The following EIF4EBP2 variants were observed in gnomAD, a reference collection of about 807,000 sequenced individuals.
EIF4EBP2 encodes eukaryotic translation initiation factor 4E-binding protein 2.
In EIF4EBP2, 5 loss-of-function variants were observed where a neutral mutation model predicts 10.3. The ratio of observed to expected loss-of-function variants is 0.48; its 90% confidence interval spans 0.25 to 1.02. EIF4EBP2 has a LOEUF of 1.02. Ranked by LOEUF, EIF4EBP2 falls within the 50% of genes least tolerant of loss-of-function variation. The pLI is 0.15. For missense variants in EIF4EBP2, 188 were observed against 162.2 expected (o/e 1.16, Z -0.86); for synonymous variants, 67 against 61.1 (o/e 1.10, Z -0.45).
rs1845214726 is a variant in EIF4EBP2, at chr10:70,427,402, C to T, written c.*5655C>T. 6.6e-6 allele frequency: 1 copy of T among 152,180 alleles called. No individual in the cohort carries two copies. Among genetic ancestry groups the T allele is most frequent in the Non-Finnish European group, 1.5e-5 (1 of 68,028 alleles). The allele number at this position is 152,180 out of a possible 1,614,324, so 9.4% of individuals were successfully genotyped here. ...TTAGAATGCTTCTACCCCAGGGCCG[C>T]TTCCTGTTCCTAGTCATGGTTTTCC... On this transcript the variant is annotated 3_prime_UTR_variant, in exon 3 of 3. Coordinates refer to ENST00000373218, the MANE Select transcript of EIF4EBP2 (RefSeq NM_004096.5).
rs1845161608 is a variant in EIF4EBP2, at chr10:70,421,937, T to G, written c.*190T>G. On this transcript the variant is annotated 3_prime_UTR_variant, in exon 3 of 3. Transcript: ENST00000373218. Reference sequence around the variant, plus strand: ...GCTTCATCTGACCATTTCTTCTCCCTGTCTCCTGTTCCCCTTCCCAGTTAA... The same window carrying G: ...GCTTCATCTGACCATTTCTTCTCCCGGTCTCCTGTTCCCCTTCCCAGTTAA... The G allele has an allele frequency of 1.7e-6, 1 of 587,106 alleles. No homozygotes were observed. Among genetic ancestry groups the G allele is most frequent in the Admixed American group, 2.9e-5 (1 of 34,922 alleles). 36.4% of individuals were successfully genotyped at this position (587,106 alleles called of 1,614,324 possible). A position where few individuals can be genotyped will look rare whatever the true frequency, so the allele number is the denominator to read the frequency against.
rs573283902 is a variant in EIF4EBP2, at chr10:70,417,465, A to G, written c.146-2449A>G. 1.5e-4 allele frequency among the ~76,000 whole-genome samples: 23 copies of G among 152,328 alleles called. No individual in the cohort carries two copies. The South Asian group carries it at 4.6e-3, about 30-fold the overall frequency. On this transcript the variant is annotated intron_variant, in intron 1 of 2. Coordinates refer to ENST00000373218, the MANE Select transcript of EIF4EBP2 (RefSeq NM_004096.5). The stretch of plus-strand genomic sequence containing the variant: ...GAATCAACTAAAACTATTGAATTAT[A>G]CACTGTAAGTGGATCAATTGTAAAT...
intron 1 of EIF4EBP2, among the ~76,000 whole-genome samples, chr10:70,405,957 C>G (rs557558670): frequency 6.6e-6 from 1 of 152,058 alleles, no homozygotes; most frequent in African/African-American, 2.4e-5. Flanking sequence ...GAAGAAATCT[C>G]CCCCCGATAT....
chr10:70,420,193 T>C lies in EIF4EBP2; in HGVS notation c.331+94T>C, dbSNP rs1222856031. On this transcript the variant is annotated intron_variant, in intron 2 of 2. Transcript: ENST00000373218. Reference sequence around the variant, plus strand: ...TTGAGAAGCTATTGATTCTTCAGTTTTGTTTTTTGTTTTTTGTTTTTTTTG... The same window carrying C: ...TTGAGAAGCTATTGATTCTTCAGTTCTGTTTTTTGTTTTTTGTTTTTTTTG... 4.1e-6 allele frequency: 5 copies of C among 1,214,998 alleles called. No individual in the cohort carries two copies. The Admixed American group carries it at 1.5e-4, about 35-fold the overall frequency. 75.3% of individuals were successfully genotyped at this position (1,214,998 alleles called of 1,614,324 possible).
In EIF4EBP2 at chr10:70,419,638, A is replaced by G. The variant is rs1028673199; in HGVS notation, c.146-276A>G. ...GTAAGATGGAGAGGAAGAACCTTTT[A>G]AAAAAGTGAGGGGTGGGGGTGGCTT... On this transcript the variant is annotated intron_variant, in intron 1 of 2. Coordinates refer to ENST00000373218, the MANE Select transcript of EIF4EBP2 (RefSeq NM_004096.5). 3.3e-5 allele frequency among the ~76,000 whole-genome samples: 5 copies of G among 151,758 alleles called. No individual in the cohort carries two copies. The East Asian group carries it at 9.6e-4, about 29-fold the overall frequency.
Position 70,422,856 on chromosome 10 carries a change from T to C in EIF4EBP2, c.*1109T>C, listed in dbSNP as rs1343955651. On this transcript the variant is annotated 3_prime_UTR_variant, in exon 3 of 3. Transcript: ENST00000373218. ...TGTTCTTAGAAAAGAACTGCATTTT[T>C]TTCCTTTGTGGATCTGCTTTGTTTG... 3 of 152,228 alleles carry C rather than the reference T, an allele frequency of 2.0e-5. No homozygotes were observed. Among genetic ancestry groups the C allele is most frequent in the Non-Finnish European group, 4.4e-5 (3 of 68,042 alleles). 9.4% of individuals were successfully genotyped at this position (152,228 alleles called of 1,614,324 possible).
intron 1 of EIF4EBP2, among the ~76,000 whole-genome samples, chr10:70,408,425 A>AT (rs1845006911): frequency 6.6e-6 from 1 of 152,178 alleles, no homozygotes; most frequent in South Asian, 2.1e-4. Context: ...TAATCAGTGG[A>AT]TTTTTAACAT....
Position 70,425,621 on chromosome 10 carries a change from A to G in EIF4EBP2, c.*3874A>G, listed in dbSNP as rs541267088. ...ATGGCAATTCCCAGGAGTAGTAGAA[A>G]ATAATATGCCTGACTACCAACAGCT... On this transcript the variant is annotated 3_prime_UTR_variant, in exon 3 of 3. Coordinates refer to ENST00000373218, the MANE Select transcript of EIF4EBP2 (RefSeq NM_004096.5). The G allele has an allele frequency of 1.3e-5, 2 of 152,342 alleles. No homozygotes were observed. Among genetic ancestry groups the G allele is most frequent in the South Asian group, 4.1e-4 (2 of 4,828 alleles). The allele number at this position is 152,342 out of a possible 1,614,324, so 9.4% of individuals were successfully genotyped here. A position where few individuals can be genotyped will look rare whatever the true frequency, so the allele number is the denominator to read the frequency against.
Position 70,422,030 on chromosome 10 carries a change from A to C in EIF4EBP2, c.*283A>C. On this transcript the variant is annotated 3_prime_UTR_variant, in exon 3 of 3. Transcript: ENST00000373218. ...AGCAGCCCTTAGAGGAAAACAGTTCAACTCTGACTTTCCTAGTTGTTTTTT... is the reference window on the plus strand; with the variant it reads ...AGCAGCCCTTAGAGGAAAACAGTTCCACTCTGACTTTCCTAGTTGTTTTTT... 1 of 414,116 alleles carries C rather than the reference A, an allele frequency of 2.4e-6. No individual in the cohort carries two copies. The highest frequency in any genetic ancestry group is 4.4e-6 in the Non-Finnish European group (1 of 229,508). 25.7% of individuals were successfully genotyped at this position (414,116 alleles called of 1,614,324 possible). A position where few individuals can be genotyped will look rare whatever the true frequency, so the allele number is the denominator to read the frequency against.
At chr10:70,414,418 C>T (rs1414590178) in intron 1 of EIF4EBP2, among the ~76,000 whole-genome samples, 1 of 152,124 alleles carries the variant, frequency 6.6e-6, no homozygotes, top group Non-Finnish European at 1.5e-5. Context: ...GAGAACATTA[C>T]AGCATTAAGA....
chr10:70,409,300 GATTTT>G, intron 1 of EIF4EBP2, among the ~76,000 whole-genome samples: 1 of 152,214 alleles, frequency 6.6e-6, no homozygotes, highest in African/African-American at 2.4e-5. Flanking sequence ...AAAGCTCTTG[GATTTT>G]ATTTTTTTTT....
At chr10:70,406,928 C>A (rs565235997) in intron 1 of EIF4EBP2, among the ~76,000 whole-genome samples, 31 of 152,126 alleles carry the variant, frequency 2.0e-4, no homozygotes, top group Middle Eastern at 3.2e-3. Context: ...GACGGAGTTT[C>A]GCTCTGTAGC....
rs929248728 is a variant in EIF4EBP2, at chr10:70,422,767, C to T, written c.*1020C>T. On this transcript the variant is annotated 3_prime_UTR_variant, in exon 3 of 3. Transcript: ENST00000373218. The stretch of plus-strand genomic sequence containing the variant: ...AGTCGTCATTTTTAAGTCCAGTGAG[C>T]ATTGTGGTAGTTGTTCTTAGATTGC... 4 of 152,150 alleles carry T rather than the reference C, an allele frequency of 2.6e-5. No individual in the cohort carries two copies. Among genetic ancestry groups the T allele is most frequent in the Admixed American group, 2.0e-4 (3 of 15,270 alleles). The allele number at this position is 152,150 out of a possible 1,614,324, so 9.4% of individuals were successfully genotyped here. A position where few individuals can be genotyped will look rare whatever the true frequency, so the allele number is the denominator to read the frequency against.
chr10:70,405,075 G>A (rs1309443273), intron 1 of EIF4EBP2, among the ~76,000 whole-genome samples: 1 of 152,214 alleles, frequency 6.6e-6, no homozygotes, highest in Non-Finnish European at 1.5e-5. Flanking sequence ...GCGTTATCCC[G>A]CTTTGACAGC....
rs190487594 is a variant in EIF4EBP2 at position 70,420,829 on chromosome 10, C to T, written c.331+730C>T. Among the ~76,000 whole-genome samples the T allele has an allele frequency of 1.7e-3, 255 of 152,250 alleles. 4 individuals are homozygous for T. The highest frequency in any genetic ancestry group is 0.011 in the Admixed American group (166 of 15,300). On this transcript the variant is annotated intron_variant, in intron 2 of 2. Coordinates refer to ENST00000373218, the MANE Select transcript of EIF4EBP2 (RefSeq NM_004096.5). Reference sequence around the variant, plus strand: ...TTGTTTTTTGAGACGGAGTCTTGCTCTGTTGCCCAGGCTGGAGTGCAGTGG... The same window carrying T: ...TTGTTTTTTGAGACGGAGTCTTGCTTTGTTGCCCAGGCTGGAGTGCAGTGG...
chr10:70,407,929 G>T (rs1285193872), intron 1 of EIF4EBP2, among the ~76,000 whole-genome samples: 28 of 132,274 alleles, frequency 2.1e-4, no homozygotes, highest in African/African-American at 7.3e-4. Context: ...AGTAGGAGCG[G>T]CCGGGCAGAG....
At position 70,404,620 on chromosome 10, in the gene EIF4EBP2, C is replaced by G; in HGVS notation, c.145+74C>G. On this transcript the variant is annotated intron_variant, in intron 1 of 2. Transcript: ENST00000373218. ...TCTAACTCCTCGGCGCCTCGGTGCC[C>G]GGCCGCTTCGCCCCCGCCCCCAGCT... The G allele has an allele frequency of 2.8e-6, 4 of 1,413,582 alleles. No homozygotes were observed. The South Asian group carries it at 4.6e-5, about 16-fold the overall frequency. The allele number at this position is 1,413,582 out of a possible 1,614,324, so 87.6% of individuals were successfully genotyped here.
rs921899022 is a variant in EIF4EBP2 at position 70,427,002 on chromosome 10, C to T, written c.*5255C>T. 6 of 152,176 alleles carry T rather than the reference C, an allele frequency of 3.9e-5. No individual in the cohort carries two copies. The highest frequency in any genetic ancestry group is 3.3e-4 in the Admixed American group (5 of 15,264). The allele number at this position is 152,176 out of a possible 1,614,324, so 9.4% of individuals were successfully genotyped here. On this transcript the variant is annotated 3_prime_UTR_variant, in exon 3 of 3. Transcript: ENST00000373218. ...GGCTTAGCATGTTGGCAGCAATATC[C>T]CAGAGATTGAATCTGTTTGCATTTT... is the stretch of plus-strand genomic sequence containing the variant.
rs556568872 is a variant in EIF4EBP2, at chr10:70,407,138, A to C, written c.145+2592A>C. Among the ~76,000 whole-genome samples, 428 of 120,628 alleles carry C rather than the reference A, an allele frequency of 3.5e-3. 2 individuals carry two copies. Among genetic ancestry groups the C allele is most frequent in the African/African-American group, 0.013 (400 of 31,628 alleles). The allele number at this position is 120,628 out of a possible 152,430, so 79.1% of individuals were successfully genotyped here. A position where few individuals can be genotyped will look rare whatever the true frequency, so the allele number is the denominator to read the frequency against. On this transcript the variant is annotated intron_variant, in intron 1 of 2. Transcript: ENST00000373218. ...GGTCTTTTTTTTTTTGTTGTTGTTG[A>C]TCATTCTTGGGTGTTTCTCGCAGAG...
Sources: gnomAD v4.1 joint callset for allele counts (sites outside exome capture counted in the v4.1 genomes callset) on GRCh38, gnomAD v4.1.1 for gene constraint, MANE v1.5 for transcripts, NCBI Gene and HGNC (gene_info 2026-07-23, HGNC 2026-07-21) for gene names.